The following TMPRSS7 variants were observed in gnomAD, a reference collection of about 807,000 sequenced individuals.
The protein encoded by TMPRSS7 is transmembrane serine protease 7.
A neutral mutation model predicts 95.6 loss-of-function variants in TMPRSS7; 81 were observed. The observed-to-expected ratio is 0.85, with a 90% CI of 0.71 to 1.02. The LOEUF (loss-of-function observed/expected upper bound fraction) is 1.02. Ranked by LOEUF, TMPRSS7 falls within the 50% of genes least tolerant of loss-of-function variation. TMPRSS7 has a pLI of 0.00. For missense variants in TMPRSS7, 945 were observed against 955.2 expected, an observed-to-expected ratio of 0.99 and a Z score of 0.14; for synonymous variants, 364 against 337.8, an observed-to-expected ratio of 1.08 and a Z score of -0.85.
chr3:112,072,238 G>A (rs1279490384), intron 13 of TMPRSS7, among the ~76,000 whole-genome samples: 2 of 152,206 alleles, frequency 1.3e-5, no homozygotes, highest in African/African-American at 4.8e-5. Flanking sequence ...TTTGCTAGAG[G>A]TCTACTCCAG....
intron 9 of TMPRSS7, among the ~76,000 whole-genome samples, chr3:112,055,460 CACACAG>C (rs1423160531): frequency 9.2e-5 from 14 of 151,592 alleles, no homozygotes; most frequent in Admixed American, 6.6e-4. Context: ...CGCAGACACA[CACACAG>C]ACACACACAC....
chr3:112,060,272 G>T (rs1216875930), intron 10 of TMPRSS7, among the ~76,000 whole-genome samples: 2 of 152,146 alleles, frequency 1.3e-5, no homozygotes, highest in African/African-American at 2.4e-5. Context: ...TGCTAATGAA[G>T]TTTCGGGCAC....
chr3:112,052,259 C>T (rs1409029247), intron 9 of TMPRSS7, among the ~76,000 whole-genome samples: 3 of 151,882 alleles, frequency 2.0e-5, no homozygotes, highest in African/African-American at 7.3e-5. Flanking sequence ...TGCGGATAAA[C>T]CTGAAAGATG....
intron 13 of TMPRSS7, among the ~76,000 whole-genome samples, chr3:112,069,528 T>G (rs560705971): frequency 1.3e-5 from 2 of 152,342 alleles, no homozygotes; most frequent in East Asian, 1.9e-4. Flanking sequence ...ATTCAGAGAT[T>G]CAACTTCTTC....
chr3:112,055,454 G>GACACACACACAC (rs142185504), intron 9 of TMPRSS7, among the ~76,000 whole-genome samples: 3,041 of 148,880 alleles, frequency 0.02, 43 homozygotes, highest in East Asian at 0.033. Flanking sequence ...CACTTGCGCA[G>GACACACACACAC]ACACACACAC....
At chr3:112,056,679 T>A (rs2073436492) in intron 9 of TMPRSS7, among the ~76,000 whole-genome samples, 1 of 152,246 alleles carries the variant, frequency 6.6e-6, no homozygotes, top group Admixed American at 6.5e-5. Flanking sequence ...AAATCAGTTG[T>A]GTCATATGTA....
chr3:112,038,458 TG>T (rs2073172671), intron 2 of TMPRSS7, 137 bp downstream of exon 2: 1 of 598,204 alleles, frequency 1.7e-6, no homozygotes, highest in African/African-American at 1.9e-5. Flanking sequence ...TTTCCAAAAC[TG>T]GTGTTGATGG....
rs755506679 is a variant in TMPRSS7 at position 112,045,870 on chromosome 3, A to T, written c.618A>T (p.Thr206=). 3 of 1,551,760 alleles carry T rather than the reference A, an allele frequency of 1.9e-6. No homozygotes were observed. The Admixed American group carries it at 5.9e-5, about 30-fold the overall frequency. The change falls in exon 5 of 18, where the codon ACA becomes ACT. Residue 206 remains threonine, a synonymous_variant. Coordinates refer to ENST00000452346, the Ensembl canonical transcript of TMPRSS7. Reference sequence around the variant, plus strand: ...CCATCTTGAAGGACTCCATCCAGACAAGCATCATAAACCGGACCTCTGTGG... The same window carrying T: ...CCATCTTGAAGGACTCCATCCAGACTAGCATCATAAACCGGACCTCTGTGG...
intron 12 of TMPRSS7, 104 bp downstream of exon 12, chr3:112,063,736 T>A (rs941784937): frequency 1.0e-6 from 1 of 967,604 alleles, no homozygotes; most frequent in Non-Finnish European, 1.6e-6. Context: ...TATTATCTAT[T>A]ACTGCATAAC....
intron 17 of TMPRSS7, among the ~76,000 whole-genome samples, chr3:112,080,692 A>C (rs758318721): frequency 6.6e-6 from 1 of 152,212 alleles, no homozygotes; most frequent in Non-Finnish European, 1.5e-5. Context: ...CTAAAGAATC[A>C]TGTTTCGTCT....
At chr3:112,056,625 G>T (rs1031292592) in intron 9 of TMPRSS7, among the ~76,000 whole-genome samples, 3 of 152,012 alleles carry the variant, frequency 2.0e-5, no homozygotes, top group African/African-American at 7.3e-5. Context: ...TGAAGAGGAG[G>T]CTGATTCATT....
Position 112,063,590 on chromosome 3 carries a change from G to A in TMPRSS7, c.1513G>A (p.Gly505Arg), listed in dbSNP as rs754794524. 3.7e-6 allele frequency: 6 copies of A among 1,614,064 alleles called. 1 individual carries two copies. In the South Asian group the frequency reaches 5.5e-5, roughly 15 times the overall value. ...TGTCCCTCAGGCCCAGCGTTGTGAT[G>A]GAGTAAATGACTGCTTTGATGAAAG... is the stretch of plus-strand genomic sequence containing the variant. The change falls in exon 12 of 18, where the codon GGA becomes AGA. Residue 505 changes from glycine (G) to arginine (R), a missense_variant. Gly to Arg is a moderately radical substitution (Grantham distance 125). Transcript: ENST00000452346.
At chr3:112,064,807 A>T (rs994171640) in intron 12 of TMPRSS7, among the ~76,000 whole-genome samples, 1 of 152,216 alleles carries the variant, frequency 6.6e-6, no homozygotes, top group African/African-American at 2.4e-5. Context: ...GACTATTTGT[A>T]CCTCATTCTT....
At chr3:112,048,547 G>T (rs2073307953) in intron 7 of TMPRSS7, among the ~76,000 whole-genome samples, 1 of 151,990 alleles carries the variant, frequency 6.6e-6, no homozygotes, top group Non-Finnish European at 1.5e-5. Flanking sequence ...TTATTTATGG[G>T]TGCTTAATAT....
At chr3:112,063,176 T>C (rs145320507) in intron 11 of TMPRSS7, among the ~76,000 whole-genome samples, 6 of 152,250 alleles carry the variant, frequency 3.9e-5, no homozygotes, top group African/African-American at 1.4e-4. Context: ...ACATTAGGAA[T>C]GCTGGGCTCC....
intron 14 of TMPRSS7, 30 bp from the exon 15 acceptor site, chr3:112,075,290 CT>C: frequency 7.3e-7 from 1 of 1,377,410 alleles, no homozygotes; most frequent in Non-Finnish European, 9.5e-7. Flanking sequence ...CCAAGTCTAC[CT>C]TTAAATCACA....
chr3:112,077,284 A>C (rs1464426983), intron 16 of TMPRSS7, 140 bp downstream of exon 16: 9 of 902,022 alleles, frequency 1.0e-5, no homozygotes, highest in Non-Finnish European at 1.5e-5. Flanking sequence ...GTTGGATTGG[A>C]GGAGGGTACT....
intron 11 of TMPRSS7, among the ~76,000 whole-genome samples, chr3:112,063,214 T>C (rs896276223): frequency 2.0e-5 from 3 of 151,816 alleles, no homozygotes; most frequent in African/African-American, 7.3e-5. Flanking sequence ...TTTCACATTC[T>C]TCAGGTATAT....
chr3:112,058,082 T>C (rs1468388885), intron 10 of TMPRSS7, among the ~76,000 whole-genome samples: 2 of 152,220 alleles, frequency 1.3e-5, no homozygotes, highest in East Asian at 1.9e-4. Flanking sequence ...AATATCTTCT[T>C]AGTTCACTTT....
Sources: gnomAD v4.1 joint callset for allele counts (sites outside exome capture counted in the v4.1 genomes callset) on GRCh38, gnomAD v4.1.1 for gene constraint, MANE v1.5 for transcripts, NCBI Gene and HGNC (gene_info 2026-07-23, HGNC 2026-07-21) for gene names.